EPHB1: variants seen among roughly 807,000 people sequenced by gnomAD.
The protein encoded by EPHB1 is ephrin type-B receptor 1.
EPHB1 carries 30 observed loss-of-function variants against 94.4 expected under a neutral mutation model. The ratio of observed to expected loss-of-function variants is 0.32; its 90% CI spans 0.24 to 0.43. The LOEUF (loss-of-function observed/expected upper bound fraction) is 0.43, where lower values mean the gene tolerates loss of function less well. Ranked by LOEUF, EPHB1 falls within the 20% of genes least tolerant of loss-of-function variation. The pLI, the probability that EPHB1 is intolerant of heterozygous loss-of-function variation, is 1.00. For synonymous variants in EPHB1, 522 were observed against 489.1 expected, an observed-to-expected ratio of 1.07 and a Z score of -0.89; for missense variants, 1,055 against 1,308.3, an observed-to-expected ratio of 0.81 and a Z score of 2.99.
rs754596439 is a variant in EPHB1, at chr3:135,166,949, G to A, written c.1702G>A (p.Ala568Thr). ...CCCTCTTTTTATCCACAGGAAACGG[G>A]CTTATAGCAAAGAGGCTGTGTACAG... Reference protein sequence around the residue: ...AISIVCSRKRAYSKEAVYSDK... With the variant: ...AISIVCSRKRTYSKEAVYSDK... The change falls in exon 9 of 16, where the codon GCT becomes ACT. Residue 568 changes from alanine to threonine, a missense_variant. Ala to Thr is a moderately conservative substitution (Grantham distance 58). Coordinates refer to ENST00000398015, the MANE Select transcript of EPHB1 (RefSeq NM_004441.5). 5 of 1,613,994 alleles carry A rather than the reference G, an allele frequency of 3.1e-6. No homozygotes were observed. Among genetic ancestry groups the A allele is most frequent in the Admixed American group, 1.7e-5 (1 of 59,998 alleles).
At chr3:134,892,355 C>T (rs1447562436) in intron 1 of EPHB1, among the ~76,000 whole-genome samples, 2 of 152,176 alleles carry the variant, frequency 1.3e-5, no homozygotes, top group Non-Finnish European at 2.9e-5. Flanking sequence ...GACTTTGGCC[C>T]GGCAAAAGGG....
rs548456068 is a variant in EPHB1, at chr3:134,998,992, G to A, written c.805+46940G>A. ...AGAGAGGCAGGAAGAGAGCAGAGCC[G>A]GAAGCACAAGGCTGCACAGGCTGAC... On this transcript the variant is annotated intron_variant, in intron 3 of 15. Coordinates refer to ENST00000398015, the MANE Select transcript of EPHB1 (RefSeq NM_004441.5). Among the ~76,000 whole-genome samples, 17 of 152,244 alleles carry A rather than the reference G, an allele frequency of 1.1e-4. No homozygotes were observed. In the South Asian group the frequency reaches 2.3e-3, roughly 20 times the overall value.
At position 134,881,163 on chromosome 3, in the gene EPHB1, C is replaced by T. The variant is rs544884416; in HGVS notation, c.59-44653C>T. 2.6e-3 allele frequency among the ~76,000 whole-genome samples: 391 copies of T among 152,084 alleles called. 3 individuals are homozygous for T. The highest frequency in any genetic ancestry group is 8.7e-3 in the African/African-American group (360 of 41,478). ...TAGTTGTGGGAGGATCTTTTGTTAG[C>T]GATGGCCCAGAGCCCTTGTATGCTG... On this transcript the variant is annotated intron_variant, in intron 1 of 15. Transcript: ENST00000398015.
In EPHB1 at chr3:135,107,911, T is replaced by C. The variant is rs530447876; in HGVS notation, c.961+1308T>C. Reference sequence around the variant, plus strand: ...CTGCTGACCAGAAGTCCTGTTTTTCTGTTGTGCTATCTCCTCCACTGATTT... The same window carrying C: ...CTGCTGACCAGAAGTCCTGTTTTTCCGTTGTGCTATCTCCTCCACTGATTT... On this transcript the variant is annotated intron_variant, in intron 4 of 15. Transcript: ENST00000398015. Among the ~76,000 whole-genome samples, 5 of 152,312 alleles carry C rather than the reference T, an allele frequency of 3.3e-5. No homozygotes were observed. The East Asian group carries it at 9.7e-4, about 29-fold the overall frequency.
intron 2 of EPHB1, among the ~76,000 whole-genome samples, chr3:134,933,743 A>G (rs988214916): frequency 7.9e-5 from 12 of 152,116 alleles, no homozygotes; most frequent in Admixed American, 7.2e-4. Context: ...CTTGCCAACA[A>G]TTATGCTCCA....
intron 12 of EPHB1, among the ~76,000 whole-genome samples, chr3:135,206,485 T>A: frequency 6.6e-6 from 1 of 152,232 alleles, no homozygotes; most frequent in Non-Finnish European, 1.5e-5. Context: ...TGCTCAACCG[T>A]GTTGTCCTGA....
chr3:134,816,268 A>G (rs35273483), intron 1 of EPHB1, among the ~76,000 whole-genome samples: 17,216 of 151,020 alleles, frequency 0.11, 2,327 homozygotes, highest in African/African-American at 0.33. Context: ...TTTTTTTTGT[A>G]TTTTTAGTAG....
At chr3:134,977,353 T>C (rs1437081419) in intron 3 of EPHB1, among the ~76,000 whole-genome samples, 4 of 152,246 alleles carry the variant, frequency 2.6e-5, no homozygotes, top group Non-Finnish European at 5.9e-5. Flanking sequence ...AATGGACTCC[T>C]GCATCCTGCA....
At chr3:135,070,865 C>A (rs1276031656) in intron 3 of EPHB1, among the ~76,000 whole-genome samples, 1 of 152,074 alleles carries the variant, frequency 6.6e-6, no homozygotes. Context: ...GGAGAGAAAG[C>A]TCTGTAACTG....
intron 9 of EPHB1, among the ~76,000 whole-genome samples, chr3:135,176,984 T>G (rs1941997882): frequency 6.6e-6 from 1 of 152,098 alleles, no homozygotes; most frequent in Non-Finnish European, 1.5e-5. Context: ...TCCGCTTGCT[T>G]CCTCTTCCTA....
chr3:135,019,638 A>G (rs1935923682), intron 3 of EPHB1, among the ~76,000 whole-genome samples: 1 of 152,206 alleles, frequency 6.6e-6, no homozygotes, highest in Non-Finnish European at 1.5e-5. Context: ...ATGGGATCAC[A>G]TTGTAAGCAA....
chr3:134,957,430 G>C (rs1933320183), intron 3 of EPHB1, among the ~76,000 whole-genome samples: 1 of 152,126 alleles, frequency 6.6e-6, no homozygotes, highest in Non-Finnish European at 1.5e-5. Flanking sequence ...TCTGGGAGAG[G>C]GGACTGCAGG....
chr3:134,910,946 T>C (rs953915509), intron 1 of EPHB1, among the ~76,000 whole-genome samples: 13 of 152,216 alleles, frequency 8.5e-5, no homozygotes, highest in Non-Finnish European at 1.6e-4. Context: ...TTGTAAGCAC[T>C]TCACAATCAA....
chr3:135,133,106 A>T (rs1940480911), intron 5 of EPHB1, 57 bp downstream of exon 5: 2 of 1,489,238 alleles, frequency 1.3e-6, no homozygotes, highest in African/African-American at 2.8e-5. Context: ...CTTTGTCTCT[A>T]GGCAGGGACA....
At chr3:135,200,444 C>A (rs2107712645) in intron 11 of EPHB1, among the ~76,000 whole-genome samples, 1 of 152,268 alleles carries the variant, frequency 6.6e-6, no homozygotes, top group Admixed American at 6.5e-5. Context: ...GTTCCCCTGA[C>A]CCACTGTCCC....
chr3:134,996,650 T>C (rs900362574), intron 3 of EPHB1, among the ~76,000 whole-genome samples: 2 of 152,188 alleles, frequency 1.3e-5, no homozygotes, highest in Admixed American at 1.3e-4. Context: ...TGCTTCTTCC[T>C]AGTATTTCCA....
At chr3:135,248,042 A>AAAC (rs1268816725) in intron 13 of EPHB1, among the ~76,000 whole-genome samples, 1 of 152,186 alleles carries the variant, frequency 6.6e-6, no homozygotes, top group African/African-American at 2.4e-5. Flanking sequence ...ATTCTTCAAC[A>AAAC]AACATTTACA....
At chr3:135,075,629 T>C (rs1937882675) in intron 3 of EPHB1, among the ~76,000 whole-genome samples, 1 of 152,198 alleles carries the variant, frequency 6.6e-6, no homozygotes, top group Non-Finnish European at 1.5e-5. Flanking sequence ...TGATAGGGTG[T>C]GGTGGCTTAT....
intron 8 of EPHB1, 86 bp from the exon 9 acceptor site, chr3:135,166,856 A>C (rs766465170): frequency 4.1e-5 from 59 of 1,439,836 alleles, no homozygotes; most frequent in Non-Finnish European, 5.6e-5. Context: ...GTGAGCCCCT[A>C]TCTGGCCTGG....
Sources: gnomAD v4.1 joint callset for allele counts (sites outside exome capture counted in the v4.1 genomes callset) on GRCh38, gnomAD v4.1.1 for gene constraint, MANE v1.5 for transcripts, NCBI Gene and HGNC (gene_info 2026-07-23, HGNC 2026-07-21) for gene names.